METTL16: variants seen among roughly 807,000 people sequenced by gnomAD.
METTL16 encodes the protein methyltransferase 16, RNA N6-adenosine.
METTL16 carries 19 observed loss-of-function variants against 57.9 expected under a neutral mutation model. That is an observed-to-expected ratio of 0.33 (90% CI 0.23 to 0.48). The LOEUF is 0.48. Ranked by LOEUF, METTL16 falls within the 20% of genes least tolerant of loss-of-function variation. METTL16 has a pLI of 0.99. For synonymous variants in METTL16, 246 were observed against 255.6 expected (o/e 0.96, Z 0.36); for missense variants, 434 against 691.5 (o/e 0.63, Z 4.18).
intron 6 of METTL16, among the ~76,000 whole-genome samples, chr17:2,462,087 A>G (rs1273800729): frequency 1.3e-5 from 2 of 152,224 alleles, no homozygotes; most frequent in African/African-American, 4.8e-5. Context: ...GGGTACAAGC[A>G]ACCTAAGTAT....
chr17:2,465,455 G>C (rs530701403), intron 5 of METTL16, among the ~76,000 whole-genome samples: 85 of 148,672 alleles, frequency 5.7e-4, no homozygotes, highest in African/African-American at 2.0e-3. Flanking sequence ...GCTGAGGCAG[G>C]AGAATCGCTT....
chr17:2,463,769 T>C (rs1441924230), intron 6 of METTL16, among the ~76,000 whole-genome samples: 1 of 152,012 alleles, frequency 6.6e-6, no homozygotes, highest in Admixed American at 6.6e-5. Flanking sequence ...CTGCAATCTT[T>C]ATCTGCTTGT....
In METTL16 at chr17:2,464,288, T is replaced by C. The variant is rs751994938; in HGVS notation, c.648A>G (p.Thr216=). The C allele has an allele frequency of 5.0e-6, 8 of 1,614,020 alleles. No homozygotes were observed. The highest frequency in any genetic ancestry group is 5.9e-6 in the Non-Finnish European group (7 of 1,179,892). ...ATTCACCTCCTTCTGCCATGATCTC[T>C]GTGATGCCTCCTGTATTAACAGAAC... is the stretch of plus-strand genomic sequence containing the variant. ...PPSSVNTGGI[T]EIMAEGGELE... is the part of the protein sequence containing the mutation. Residue 216 remains threonine (T), a synonymous_variant, in exon 6 of 10, where the codon ACA becomes ACG. Coordinates refer to ENST00000263092, the MANE Select transcript of METTL16 (RefSeq NM_024086.4).
chr17:2,470,838 T>C (rs1350243492), intron 4 of METTL16, among the ~76,000 whole-genome samples: 5 of 152,132 alleles, frequency 3.3e-5, no homozygotes, highest in Non-Finnish European at 7.4e-5. Context: ...TACAAACATA[T>C]ACATACACTT....
At chr17:2,482,370 T>G (rs1013570233) in intron 2 of METTL16, among the ~76,000 whole-genome samples, 1 of 152,190 alleles carries the variant, frequency 6.6e-6, no homozygotes, top group Non-Finnish European at 1.5e-5. Flanking sequence ...ACTTACTGTA[T>G]AGCAAAACAA....
chr17:2,484,261 C>T (rs1441559748), intron 2 of METTL16, among the ~76,000 whole-genome samples: 1 of 152,122 alleles, frequency 6.6e-6, no homozygotes, highest in Non-Finnish European at 1.5e-5. Flanking sequence ...ATTGGTACTA[C>T]TCAAAATGCC....
At chr17:2,463,280 G>A (rs2067163791) in intron 6 of METTL16, among the ~76,000 whole-genome samples, 1 of 152,086 alleles carries the variant, frequency 6.6e-6, no homozygotes, top group Non-Finnish European at 1.5e-5. Flanking sequence ...ATTTGAATCC[G>A]TTTTGTTCTA....
At chr17:2,505,889 G>A (rs1476803995) in intron 1 of METTL16, among the ~76,000 whole-genome samples, 1 of 152,050 alleles carries the variant, frequency 6.6e-6, no homozygotes, top group Non-Finnish European at 1.5e-5. Context: ...ACCTGGCCTT[G>A]CCTATCTTTT....
intron 7 of METTL16, among the ~76,000 whole-genome samples, chr17:2,439,173 G>A (rs777187568): frequency 6.6e-6 from 1 of 152,104 alleles, no homozygotes; most frequent in Non-Finnish European, 1.5e-5. Flanking sequence ...GCAGTGGCGT[G>A]ATCTTAGCTT....
At chr17:2,472,307 C>A (rs1261825471) in intron 4 of METTL16, among the ~76,000 whole-genome samples, 1 of 152,130 alleles carries the variant, frequency 6.6e-6, no homozygotes, top group Admixed American at 6.6e-5. Flanking sequence ...CCAGTGCTGG[C>A]AAGGATGTGA....
intron 6 of METTL16, among the ~76,000 whole-genome samples, chr17:2,446,228 G>A (rs2066994156): frequency 6.6e-6 from 1 of 152,134 alleles, no homozygotes; most frequent in African/African-American, 2.4e-5. Flanking sequence ...ACTGCCTTAA[G>A]ATTGGGAATG....
rs1032846528 is a variant in METTL16 at position 2,500,281 on chromosome 17, TTTC to T, written c.128+1920_128+1922del. ...TGATCCTAATCTTCTTTTTTTCTTTTTTCTTTTTTTTTTGAGATGGAGTCTCAG... is the reference window on the plus strand; with the variant it reads ...TGATCCTAATCTTCTTTTTTTCTTTTTTTTTTTTTTGAGATGGAGTCTCAG... On this transcript the variant is annotated intron_variant, in intron 2 of 9. Coordinates refer to ENST00000263092, the MANE Select transcript of METTL16 (RefSeq NM_024086.4). 1.3e-3 allele frequency among the ~76,000 whole-genome samples: 193 copies of T among 152,158 alleles called. 2 individuals are homozygous for T. Among genetic ancestry groups the T allele is most frequent in the Non-Finnish European group, 4.4e-4 (30 of 67,992 alleles).
chr17:2,425,329 C>A (rs78876361), intron 8 of METTL16, among the ~76,000 whole-genome samples: 1,969 of 152,244 alleles, frequency 0.013, 49 homozygotes, highest in African/African-American at 0.044. Context: ...GCAAGGCGTA[C>A]ATAAATAATT....
At chr17:2,425,849 G>C (rs1360695646) in intron 8 of METTL16, among the ~76,000 whole-genome samples, 1 of 152,036 alleles carries the variant, frequency 6.6e-6, no homozygotes, top group African/African-American at 2.4e-5. Context: ...ACCATGCCTA[G>C]CTAATTTTTG....
chr17:2,469,272 G>C (rs1450696194), intron 4 of METTL16, among the ~76,000 whole-genome samples: 1 of 151,686 alleles, frequency 6.6e-6, no homozygotes, highest in Non-Finnish European at 1.5e-5. Flanking sequence ...AAATAAATAG[G>C]CTCCTAGATT....
intron 8 of METTL16, among the ~76,000 whole-genome samples, chr17:2,433,552 T>G (rs901582103): frequency 1.3e-5 from 2 of 152,090 alleles, no homozygotes; most frequent in African/African-American, 4.8e-5. Flanking sequence ...GCGGGCAGAG[T>G]GTCAGAGTGA....
At chr17:2,507,367 G>A (rs1381251497) in intron 1 of METTL16, among the ~76,000 whole-genome samples, 1 of 148,838 alleles carries the variant, frequency 6.7e-6, no homozygotes, top group Non-Finnish European at 1.5e-5. Context: ...CCCCGTCCGG[G>A]AGGGAGGTGG....
At chr17:2,494,559 T>G (rs1306761669) in intron 2 of METTL16, among the ~76,000 whole-genome samples, 1 of 152,092 alleles carries the variant, frequency 6.6e-6, no homozygotes, top group Non-Finnish European at 1.5e-5. Flanking sequence ...TTGTTTTTTG[T>G]TTTTTTGTGT....
At chr17:2,438,247 A>C in intron 7 of METTL16, 49 bp from the exon 8 acceptor site, 1 of 1,365,614 alleles carries the variant, frequency 7.3e-7, no homozygotes, top group Non-Finnish European at 1.0e-6. Context: ...CATTCTACCA[A>C]TATGTTTCTG....
Sources: gnomAD v4.1 joint callset for allele counts (sites outside exome capture counted in the v4.1 genomes callset) on GRCh38, gnomAD v4.1.1 for gene constraint, MANE v1.5 for transcripts, NCBI Gene and HGNC (gene_info 2026-07-23, HGNC 2026-07-21) for gene names.